Variants in PLA2G4E observed in about 807,000 individuals in gnomAD.
The protein encoded by PLA2G4E is phospholipase A2 group IVE.
PLA2G4E carries 84 observed loss-of-function variants against 109.1 expected under a neutral mutation model. The observed-to-expected ratio is 0.77, with a 90% CI of 0.65 to 0.92. PLA2G4E has a LOEUF of 0.92. PLA2G4E is among the 40% of genes least tolerant of loss of function. The pLI, the probability that PLA2G4E is intolerant of heterozygous loss-of-function variation, is 0.00. For missense variants in PLA2G4E, 1,057 were observed against 1,076.6 expected (o/e 0.98, Z 0.25); for synonymous variants, 469 against 436.1 (o/e 1.08, Z -0.94).
At chr15:42,015,469 G>A (rs7169243) in intron 1 of PLA2G4E, among the ~76,000 whole-genome samples, 7,904 of 152,314 alleles carry the variant, frequency 0.052, 327 homozygotes, top group African/African-American at 0.1. Flanking sequence ...CTCAGGGTCT[G>A]TGTGCTCGCT....
At chr15:42,020,069 A>C (rs1272789875) in intron 1 of PLA2G4E, among the ~76,000 whole-genome samples, 1 of 152,240 alleles carries the variant, frequency 6.6e-6, no homozygotes, top group Non-Finnish European at 1.5e-5. Flanking sequence ...CCCAGGAGGC[A>C]GTGTCTACCT....
At chr15:42,037,252 T>A (rs7166079) in intron 1 of PLA2G4E, among the ~76,000 whole-genome samples, 1 of 152,068 alleles carries the variant, frequency 6.6e-6, no homozygotes, top group Non-Finnish European at 1.5e-5. Context: ...GCCAGTCCTG[T>A]AGATCAGAAT....
At chr15:42,027,658 C>T (rs1421992320) in intron 1 of PLA2G4E, among the ~76,000 whole-genome samples, 1 of 152,204 alleles carries the variant, frequency 6.6e-6, no homozygotes, top group Non-Finnish European at 1.5e-5. Flanking sequence ...TGACTTCAGA[C>T]CTTCTCTGAA....
At chr15:42,047,566 A>G (rs1889436561) in intron 1 of PLA2G4E, among the ~76,000 whole-genome samples, 1 of 152,150 alleles carries the variant, frequency 6.6e-6, no homozygotes, top group Non-Finnish European at 1.5e-5. Flanking sequence ...CCAACACATG[A>G]CCTTTGGGGG....
intron 1 of PLA2G4E, among the ~76,000 whole-genome samples, chr15:42,049,773 C>T (rs1414514782): frequency 6.6e-6 from 1 of 152,186 alleles, no homozygotes; most frequent in East Asian, 1.9e-4. Flanking sequence ...TCTGGTGCCA[C>T]CGCTAAGACC....
At chr15:42,012,648 C>T (rs1273949311) in intron 2 of PLA2G4E, among the ~76,000 whole-genome samples, 1 of 152,174 alleles carries the variant, frequency 6.6e-6, no homozygotes, top group Admixed American at 6.5e-5. Flanking sequence ...CTTGGCCACT[C>T]CCAGCTCTCA....
intron 15 of PLA2G4E, 73 bp from the exon 16 acceptor site, chr15:41,988,229 TCCCCCCACC>T: frequency 1.1e-6 from 1 of 931,270 alleles, no homozygotes; most frequent in Non-Finnish European, 1.5e-6. Flanking sequence ...GATTCCCCAC[TCCCCCCACC>T]CCCCCACCCC....
At chr15:41,990,273 C>T in intron 13 of PLA2G4E, 38 bp from the exon 14 acceptor site, 1 of 1,581,494 alleles carries the variant, frequency 6.3e-7, no homozygotes, top group Non-Finnish European at 8.7e-7. Flanking sequence ...AAGCAGCAGC[C>T]CAGAGGGTGA....
At chr15:42,024,142 C>G (rs1345310152) in intron 1 of PLA2G4E, among the ~76,000 whole-genome samples, 4 of 45,990 alleles carry the variant, frequency 8.7e-5, no homozygotes, top group Admixed American at 4.6e-4. Context: ...GGGAGGGGAG[C>G]AGAGCAGAGG....
rs947175497 is a variant in PLA2G4E, at chr15:42,005,074, C to A, written c.526-96G>T. 8 of 1,427,490 alleles carry A rather than the reference C, an allele frequency of 5.6e-6. No individual in the cohort carries two copies. The African/African-American group carries it at 8.5e-5, about 15-fold the overall frequency. 88.4% of individuals were successfully genotyped at this position (1,427,490 alleles called of 1,614,324 possible). On this transcript the variant is annotated intron_variant, in intron 4 of 19. Transcript: ENST00000399518. ...ACCCTGGGAGCCGCTGTGGACCTGCCTCCGTCCTTCCCCCACAGCTGCCTG... is the reference window on the plus strand; with the variant it reads ...ACCCTGGGAGCCGCTGTGGACCTGCATCCGTCCTTCCCCCACAGCTGCCTG...
At chr15:42,049,112 C>T (rs2141081782) in intron 1 of PLA2G4E, among the ~76,000 whole-genome samples, 1 of 152,320 alleles carries the variant, frequency 6.6e-6, no homozygotes, top group Admixed American at 6.5e-5. Context: ...AGGGGAGAAG[C>T]ACCTGCTCAC....
At chr15:42,015,724 C>T (rs1487814900) in intron 1 of PLA2G4E, among the ~76,000 whole-genome samples, 2 of 152,238 alleles carry the variant, frequency 1.3e-5, no homozygotes, top group African/African-American at 4.8e-5. Flanking sequence ...GGCTTGGGGC[C>T]TCTGGCTGGC....
rs536792296 is a variant in PLA2G4E at position 42,045,519 on chromosome 15, G to T, written c.183+5002C>A. Among the ~76,000 whole-genome samples the T allele has an allele frequency of 2.0e-5, 3 of 152,348 alleles. No homozygotes were observed. In the East Asian group the frequency reaches 5.8e-4, roughly 29 times the overall value. Reference sequence around the variant, plus strand: ...AAAGGCATGAACAAGCAGCTGCAGAGCTTGTGCTTTCTGAGAGTATTTACT... The same window carrying T: ...AAAGGCATGAACAAGCAGCTGCAGATCTTGTGCTTTCTGAGAGTATTTACT... On this transcript the variant is annotated intron_variant, in intron 1 of 19. Coordinates refer to ENST00000399518, the Ensembl canonical transcript of PLA2G4E.
chr15:42,021,584 C>T (rs2068649014), intron 1 of PLA2G4E, among the ~76,000 whole-genome samples: 1 of 151,884 alleles, frequency 6.6e-6, no homozygotes, highest in Non-Finnish European at 1.5e-5. Flanking sequence ...CCCAATACTT[C>T]GTGAGAAAGG....
exon 20 of PLA2G4E, chr15:41,983,600 A>ACTTGACTTTCTC: frequency 4.5e-6 from 3 of 662,136 alleles, no homozygotes; most frequent in Non-Finnish European, 7.6e-6. Flanking sequence ...TCAACTTTTT[A>ACTTGACTTTCTC]AAATTTTTTA....
At chr15:42,037,036 C>A (rs1239086564) in intron 1 of PLA2G4E, among the ~76,000 whole-genome samples, 1 of 152,238 alleles carries the variant, frequency 6.6e-6, no homozygotes, top group African/African-American at 2.4e-5. Context: ...AGCCCCCTGC[C>A]GCTTCAGCCC....
At chr15:42,023,837 A>C (rs926390812) in intron 1 of PLA2G4E, among the ~76,000 whole-genome samples, 1 of 152,096 alleles carries the variant, frequency 6.6e-6, no homozygotes, top group Non-Finnish European at 1.5e-5. Flanking sequence ...CAGGGTCTCA[A>C]CTCATTTTAG....
At chr15:41,998,289 T>G (rs1421215790) in intron 10 of PLA2G4E, 1 of 152,252 alleles carries the variant, frequency 6.6e-6, no homozygotes, top group African/African-American at 2.4e-5. Flanking sequence ...AAAATAATTC[T>G]TTCTTTGGCC....
At chr15:42,013,038 A>G (rs551521617) in intron 2 of PLA2G4E, among the ~76,000 whole-genome samples, 1 of 152,152 alleles carries the variant, frequency 6.6e-6, no homozygotes, top group African/African-American at 2.4e-5. Context: ...AGATGCCTCC[A>G]TTGGCCCCCG....
Sources: gnomAD v4.1 joint callset for allele counts (sites outside exome capture counted in the v4.1 genomes callset) on GRCh38, gnomAD v4.1.1 for gene constraint, MANE v1.5 for transcripts, NCBI Gene and HGNC (gene_info 2026-07-23, HGNC 2026-07-21) for gene names.